The following KDM2B variants were observed in gnomAD, a reference collection of about 807,000 sequenced individuals.
The protein encoded by KDM2B is lysine demethylase 2B.
Under a neutral mutation model 150.0 loss-of-function variants are expected in KDM2B, and 26 were observed. The ratio of observed to expected loss-of-function variants is 0.17; its 90% CI spans 0.13 to 0.24. The LOEUF (loss-of-function observed/expected upper bound fraction) is 0.24. KDM2B is among the 10% of genes least tolerant of loss of function. KDM2B has a pLI of 1.00. For missense variants in KDM2B, 1,265 were observed against 1,816.9 expected (o/e 0.70, Z 5.52); for synonymous variants, 734 against 729.5 (o/e 1.01, Z -0.10).
rs547305252 is a variant in KDM2B at position 121,432,054 on chromosome 12, T to A, written c.3830-1585A>T. Among the ~76,000 whole-genome samples, 9 of 151,864 alleles carry A rather than the reference T, an allele frequency of 5.9e-5. No individual in the cohort carries two copies. The South Asian group carries it at 6.2e-4, about 11-fold the overall frequency. On this transcript the variant is annotated intron_variant, in intron 22 of 22. Coordinates refer to ENST00000377071, the MANE Select transcript of KDM2B (RefSeq NM_032590.5). The stretch of plus-strand genomic sequence containing the variant: ...GGCCACCACGCCTGGCTAATTTTTT[T>A]AATTTTTAGTAGAGATGGGGTTTCA...
rs1274094321 is a variant in KDM2B, at chr12:121,533,025, C to T, written c.778-66G>A. 6.4e-7 allele frequency: 1 copy of T among 1,566,010 alleles called. No homozygotes were observed. Among genetic ancestry groups the T allele is most frequent in the Non-Finnish European group, 8.8e-7 (1 of 1,142,616 alleles). On this transcript the variant is annotated intron_variant, in intron 7 of 22. Transcript: ENST00000377071. This position sits in a 1 kb window ranked among gnomAD's most constrained non-coding sequence, Gnocchi z 4.1. ...CAGACAAGACCCAGAGAGAGGGCCC[C>T]ACCTGCCTGGCGGAAGGGGAGGGGG...
the KDM2B span, chr12:121,423,427 C>A: frequency 6.2e-7 from 1 of 1,612,732 alleles, no homozygotes. This position sits in a 1 kb window ranked among gnomAD's most constrained non-coding sequence, Gnocchi z 4.3. Context: ...AGACGACAGC[C>A]TGTGTCGCAT....
rs1208420938 is a variant in KDM2B at position 121,455,184 on chromosome 12, T to G, written c.1735-1840A>C. On this transcript the variant is annotated intron_variant, in intron 12 of 22. Transcript: ENST00000377071. ...AGGAAGCACTGGAGCTCTGGGCCTC[T>G]ACCCTGCTCAACCTGCTGTGAACCC... Among the ~76,000 whole-genome samples the G allele has an allele frequency of 2.0e-5, 3 of 152,170 alleles. No homozygotes were observed. The South Asian group carries it at 6.2e-4, about 31-fold the overall frequency.
chr12:121,581,155 T>G, upstream of KDM2B: 1 of 444,142 alleles, frequency 2.3e-6, no homozygotes, highest in East Asian at 3.8e-5. Context: ...AGTTGGACAT[T>G]TTTTAAAGGT....
rs894736388 is a variant in KDM2B, at chr12:121,467,840, A to T, written c.1735-14496T>A. 1.3e-5 allele frequency: 2 copies of T among 152,056 alleles called. No homozygotes were observed. The allele number at this position is 152,056 out of a possible 1,614,324, so 9.4% of individuals were successfully genotyped here. ...CAGGCACACGGGCTGCCGGGTTTGC[A>T]CTCGCTGCAGGACCAGGACCTGAAG... On this transcript the variant is annotated intron_variant, in intron 12 of 22. Transcript: ENST00000377071. This position sits in a 1 kb window ranked among gnomAD's most constrained non-coding sequence, Gnocchi z 5.1.
chr12:121,444,385 G>T, intron 15 of KDM2B, 65 bp downstream of exon 15: 1 of 1,608,556 alleles, frequency 6.2e-7, no homozygotes, highest in Non-Finnish European at 8.5e-7. Context: ...GGACAGGCTG[G>T]TCCCGGCCAG....
chr12:121,560,384 C>T (rs1287867735), intron 4 of KDM2B, among the ~76,000 whole-genome samples: 1 of 152,118 alleles, frequency 6.6e-6, no homozygotes, highest in Non-Finnish European at 1.5e-5. Flanking sequence ...TTCTTTCCTT[C>T]ACCACAGAAC....
At chr12:121,557,552 A>C (rs1889997992) in intron 4 of KDM2B, among the ~76,000 whole-genome samples, 1 of 152,074 alleles carries the variant, frequency 6.6e-6, no homozygotes, top group South Asian at 2.1e-4. Flanking sequence ...GACAAAGGAA[A>C]TGTGGACACA....
At position 121,444,337 on chromosome 12, in the gene KDM2B, C is replaced by T. The variant is rs183760300; in HGVS notation, c.2191-65G>A. On this transcript the variant is annotated intron_variant, in intron 15 of 22. Transcript: ENST00000377071. ...TACCTTTGGACTTGCCCTTCCTCCTCCCCAGGCCGACGGCAACCCACCTGC... is the reference window on the plus strand; with the variant it reads ...TACCTTTGGACTTGCCCTTCCTCCTTCCCAGGCCGACGGCAACCCACCTGC... 29 of 1,607,562 alleles carry T rather than the reference C, an allele frequency of 1.8e-5. No homozygotes were observed. The East Asian group carries it at 5.6e-4, about 31-fold the overall frequency.
At chr12:121,545,893 C>A (rs1209996831) in intron 6 of KDM2B, among the ~76,000 whole-genome samples, 14 of 152,050 alleles carry the variant, frequency 9.2e-5, no homozygotes, top group African/African-American at 2.9e-4. Flanking sequence ...GGTCCCCTGC[C>A]CCTCCCCACC....
chr12:121,529,149 G>T (rs1555307401), intron 8 of KDM2B, among the ~76,000 whole-genome samples: 1 of 152,174 alleles, frequency 6.6e-6, no homozygotes, highest in Non-Finnish European at 1.5e-5. Context: ...ATGATCAAGT[G>T]GGTTTCATGC....
At position 121,443,771 on chromosome 12, in the gene KDM2B, G is replaced by A; in HGVS notation, c.2474C>T (p.Pro825Leu). 6.2e-7 allele frequency: 1 copy of A among 1,606,900 alleles called. No individual in the cohort carries two copies. Among genetic ancestry groups the A allele is most frequent in the South Asian group, 1.1e-5 (1 of 90,652 alleles). Residue 825 changes from proline (P) to leucine (L), a missense_variant, in exon 17 of 23, where the codon CCC becomes CTC. By Grantham distance (98) the Pro-to-Leu change is moderately conservative. Coordinates refer to ENST00000377071, the MANE Select transcript of KDM2B (RefSeq NM_032590.5). ...RKRASSLQTS[P>L]GSSSHLSPRP... ...CGGCGAGAGGTGAGAGGAGGAACCG[G>A]GGGACGTTTGAAGCGATGAGGCCTA...
At chr12:121,544,965 T>C (rs1165083772) in intron 6 of KDM2B, among the ~76,000 whole-genome samples, 3 of 151,882 alleles carry the variant, frequency 2.0e-5, no homozygotes, top group African/African-American at 7.3e-5. Flanking sequence ...TCACCAAAAG[T>C]CCTGGAGCCG....
At chr12:121,440,431 G>T (rs1349323193) in intron 21 of KDM2B, 1 of 405,510 alleles carries the variant, frequency 2.5e-6, no homozygotes. Context: ...TGCCATCCTG[G>T]AAGCCTTTGC....
the KDM2B span, among the ~76,000 whole-genome samples, chr12:121,412,382 G>C: frequency 6.6e-6 from 1 of 151,754 alleles, no homozygotes; most frequent in Non-Finnish European, 1.5e-5. Flanking sequence ...TGGGACTACA[G>C]GTGCCCGCCA....
intron 9 of KDM2B, chr12:121,516,811 GA>G: frequency 1.7e-6 from 1 of 589,338 alleles, no homozygotes; most frequent in Non-Finnish European, 3.0e-6. Flanking sequence ...TCAAGGACTT[GA>G]AAAAGTCAAA....
At chr12:121,475,253 G>C (rs1444608281) in intron 12 of KDM2B, among the ~76,000 whole-genome samples, 1 of 147,736 alleles carries the variant, frequency 6.8e-6, no homozygotes, top group Admixed American at 6.8e-5. Context: ...TCTTCCCTAG[G>C]TTAGCTAATC....
intron 6 of KDM2B, among the ~76,000 whole-genome samples, chr12:121,544,311 A>G (rs1888847349): frequency 6.6e-6 from 1 of 151,814 alleles, no homozygotes; most frequent in African/African-American, 2.4e-5. Context: ...TAAAAAACAA[A>G]TAAACAAAAA....
At chr12:121,464,812 G>A (rs1555294457) in intron 12 of KDM2B, among the ~76,000 whole-genome samples, 2 of 152,188 alleles carry the variant, frequency 1.3e-5, no homozygotes, top group African/African-American at 2.4e-5. Flanking sequence ...GAGAAACTTC[G>A]AGAAGAGCTG....
Sources: allele counts gnomAD v4.1 joint callset (sites outside exome capture counted in the v4.1 genomes callset), GRCh38; gene constraint gnomAD v4.1.1; non-coding constraint Gnocchi (gnomAD v3.1); transcripts MANE v1.5; gene names NCBI Gene and HGNC (gene_info 2026-07-23, HGNC 2026-07-21).